C1orf21: variants seen among roughly 807,000 people sequenced by gnomAD.
The protein encoded by C1orf21 is chromosome 1 open reading frame 21, also known as uncharacterized protein C1orf21.
A neutral mutation model predicts 18.7 loss-of-function variants in C1orf21; 3 were observed. The ratio of observed to expected loss-of-function variants is 0.16; its 90% CI spans 0.07 to 0.42. The LOEUF is 0.42. C1orf21 is among the 10% of genes least tolerant of loss of function. The probability of loss-of-function intolerance (pLI) is 0.99; values close to 1 mark genes in which losing one functional copy is unlikely to be tolerated. For missense variants in C1orf21, 104 were observed against 143.6 expected (o/e 0.72, Z 1.41); for synonymous variants, 41 against 46.4 (o/e 0.88, Z 0.47).
chr1:184,442,550 T>C (rs1488127269), intron 1 of C1orf21, among the ~76,000 whole-genome samples: 3 of 152,204 alleles, frequency 2.0e-5, no homozygotes, highest in African/African-American at 7.2e-5. Flanking sequence ...GGCCTAGAAT[T>C]ATTAGAGAGC....
At chr1:184,507,563 T>C in intron 2 of C1orf21, 25 bp from the exon 3 acceptor site, 2 of 1,556,010 alleles carry the variant, frequency 1.3e-6, no homozygotes, top group African/African-American at 1.4e-5. Flanking sequence ...AATTATAAAA[T>C]GTGTTTTCTT....
chr1:184,472,700 G>T (rs1218024833), intron 1 of C1orf21, among the ~76,000 whole-genome samples: 2 of 151,682 alleles, frequency 1.3e-5, no homozygotes, highest in Non-Finnish European at 2.9e-5. Flanking sequence ...AAAAACTAAG[G>T]TAATGAAAAG....
At chr1:184,567,303 T>A in intron 3 of C1orf21, 1 of 472,030 alleles carries the variant, frequency 2.1e-6, no homozygotes, top group Non-Finnish European at 4.3e-6. Context: ...CCTGGAGCAG[T>A]CTGTGACTTG....
chr1:184,471,064 A>G (rs1056779564), intron 1 of C1orf21, among the ~76,000 whole-genome samples: 1 of 152,142 alleles, frequency 6.6e-6, no homozygotes, highest in African/African-American at 2.4e-5. Flanking sequence ...AGTGTCAGCC[A>G]TGCATGAGCT....
intron 5 of C1orf21, chr1:184,599,357 C>G (rs1659557158): frequency 6.6e-6 from 1 of 152,002 alleles, no homozygotes; most frequent in Non-Finnish European, 1.5e-5. Flanking sequence ...TTATGAATTT[C>G]TAAGCTATGA....
intron 1 of C1orf21, among the ~76,000 whole-genome samples, chr1:184,403,252 CA>C (rs1418561532): frequency 2.6e-5 from 4 of 152,106 alleles, no homozygotes; most frequent in Non-Finnish European, 5.9e-5. Context: ...TCATATGAAA[CA>C]ATAGTAAGAG....
At chr1:184,444,386 T>C (rs1478765541) in intron 1 of C1orf21, among the ~76,000 whole-genome samples, 1 of 152,182 alleles carries the variant, frequency 6.6e-6, no homozygotes, top group Non-Finnish European at 1.5e-5. Context: ...CTTGTGGTAG[T>C]GAATACGTCT....
In C1orf21 at chr1:184,621,142, A is replaced by T. The variant is rs1252892702; in HGVS notation, c.*1586A>T. On this transcript the variant is annotated 3_prime_UTR_variant, in exon 6 of 6. Transcript: ENST00000235307. ...AAGATGAGCCTCGATTTTAAAATCT[A>T]TCCACATCCAACTGATGGCACCATT... 4 of 152,438 alleles carry T rather than the reference A, an allele frequency of 2.6e-5. No homozygotes were observed. Among genetic ancestry groups the T allele is most frequent in the Non-Finnish European group, 2.9e-5 (2 of 68,042 alleles). 9.4% of individuals were successfully genotyped at this position (152,438 alleles called of 1,614,324 possible). A position where few individuals can be genotyped will look rare whatever the true frequency, so the allele number is the denominator to read the frequency against.
At chr1:184,398,968 T>G (rs1450665156) in intron 1 of C1orf21, among the ~76,000 whole-genome samples, 1 of 152,154 alleles carries the variant, frequency 6.6e-6, no homozygotes, top group Non-Finnish European at 1.5e-5. Flanking sequence ...AATATTATTA[T>G]CATGTCTAAT....
chr1:184,551,186 A>G (rs991322887), intron 3 of C1orf21, among the ~76,000 whole-genome samples: 3 of 152,214 alleles, frequency 2.0e-5, no homozygotes, highest in African/African-American at 7.2e-5. Context: ...TCAGCAAACT[A>G]CACCAAAATA....
At chr1:184,471,407 T>A (rs10489725) in intron 1 of C1orf21, among the ~76,000 whole-genome samples, 2 of 152,104 alleles carry the variant, frequency 1.3e-5, no homozygotes, top group Non-Finnish European at 2.9e-5. Context: ...GAGTTAGTAC[T>A]GAAAACAAAG....
chr1:184,484,153 T>A (rs1557983893), intron 2 of C1orf21, among the ~76,000 whole-genome samples: 1 of 152,148 alleles, frequency 6.6e-6, no homozygotes, highest in Non-Finnish European at 1.5e-5. Context: ...GGTCTTGAAC[T>A]CTTAACCTCA....
intron 2 of C1orf21, among the ~76,000 whole-genome samples, chr1:184,478,035 G>C (rs1657598337): frequency 6.6e-6 from 1 of 152,120 alleles, no homozygotes; most frequent in Non-Finnish European, 1.5e-5. Flanking sequence ...ATACAAAGTG[G>C]TATTTGAGGA....
chr1:184,479,966 T>C (rs1029862050), intron 2 of C1orf21, among the ~76,000 whole-genome samples: 1 of 151,890 alleles, frequency 6.6e-6, no homozygotes, highest in African/African-American at 2.4e-5. Flanking sequence ...CTGTATCCTA[T>C]GTATAAGGCC....
chr1:184,435,697 C>G (rs1656846415), intron 1 of C1orf21, among the ~76,000 whole-genome samples: 1 of 152,004 alleles, frequency 6.6e-6, no homozygotes, highest in Non-Finnish European at 1.5e-5. Flanking sequence ...CAAGGCCCTG[C>G]AAGTTTGAGG....
intron 5 of C1orf21, among the ~76,000 whole-genome samples, chr1:184,613,306 T>A (rs1659767941): frequency 6.6e-6 from 1 of 152,250 alleles, no homozygotes; most frequent in Admixed American, 6.5e-5. Context: ...CTCTCTGAGG[T>A]TTCAGGCATC....
At position 184,524,738 on chromosome 1, in the gene C1orf21, G is replaced by A. The variant is rs186372679; in HGVS notation, c.189+17056G>A. Among the ~76,000 whole-genome samples, 11 of 151,944 alleles carry A rather than the reference G, an allele frequency of 7.2e-5. No homozygotes were observed. In the East Asian group the frequency reaches 7.7e-4, roughly 11 times the overall value. On this transcript the variant is annotated intron_variant, in intron 3 of 5. Coordinates refer to ENST00000235307, the MANE Select transcript of C1orf21 (RefSeq NM_030806.4). ...CTTCACTGGCTGCTAGATGATTTACGTCATTCAACAAATTTCAAACCCCTA... is the reference window on the plus strand; with the variant it reads ...CTTCACTGGCTGCTAGATGATTTACATCATTCAACAAATTTCAAACCCCTA...
chr1:184,431,651 GA>G (rs1160658739), intron 1 of C1orf21, among the ~76,000 whole-genome samples: 3 of 152,102 alleles, frequency 2.0e-5, no homozygotes, highest in Non-Finnish European at 2.9e-5. Context: ...CTTCTGCACA[GA>G]AAAAGAAACT....
intron 1 of C1orf21, among the ~76,000 whole-genome samples, chr1:184,409,594 G>A (rs1257279567): frequency 2.0e-5 from 3 of 152,156 alleles, no homozygotes; most frequent in Non-Finnish European, 2.9e-5. Flanking sequence ...GAACACCAAC[G>A]AACTTACAGA....
Sources: allele counts gnomAD v4.1 joint callset (sites outside exome capture counted in the v4.1 genomes callset), GRCh38; gene constraint gnomAD v4.1.1; transcripts MANE v1.5; gene names NCBI Gene and HGNC (gene_info 2026-07-23, HGNC 2026-07-21).